Variants in RBKS observed in about 807,000 individuals in gnomAD.
RBKS encodes the protein ribokinase.
Under a neutral mutation model 33.9 loss-of-function variants are expected in RBKS, and 33 were observed. The ratio of observed to expected loss-of-function variants is 0.97; its 90% CI spans 0.74 to 1.30. The LOEUF is 1.30. Ranked by LOEUF, RBKS falls within the 50% of genes most tolerant of loss-of-function variation. The pLI is 0.00. For synonymous variants in RBKS, 125 were observed against 143.0 expected (o/e 0.87, Z 0.90); for missense variants, 361 against 392.6 (o/e 0.92, Z 0.68).
At chr2:27,815,295 T>G (rs1678065923) in intron 7 of RBKS, among the ~76,000 whole-genome samples, 1 of 152,010 alleles carries the variant, frequency 6.6e-6, no homozygotes, top group African/African-American at 2.4e-5. Flanking sequence ...GCAGCCTTGG[T>G]CTCCCAGGCT....
chr2:27,890,132 G>C lies in RBKS; in HGVS notation c.89+125C>G. On this transcript the variant is annotated intron_variant, in intron 1 of 7. Coordinates refer to ENST00000302188, the MANE Select transcript of RBKS (RefSeq NM_022128.3). The surrounding 1 kb of genome is among the most constrained non-coding windows in gnomAD (Gnocchi z 4.8). ...AGGCTGAAGGCTTCGAAAACCTGCA[G>C]CTCATACCCAAAGCTAGCACTGTCT... 1 of 790,302 alleles carries C rather than the reference G, an allele frequency of 1.3e-6. No individual in the cohort carries two copies. The highest frequency in any genetic ancestry group is 1.7e-5 in the South Asian group (1 of 58,770). 49.0% of individuals were successfully genotyped at this position (790,302 alleles called of 1,614,324 possible). A position where few individuals can be genotyped will look rare whatever the true frequency, so the allele number is the denominator to read the frequency against.
chr2:27,844,921 T>C (rs1307361700), intron 4 of RBKS, among the ~76,000 whole-genome samples: 3 of 152,164 alleles, frequency 2.0e-5, no homozygotes, highest in Non-Finnish European at 4.4e-5. Context: ...CTCGTGCTGA[T>C]CTTGTACAGA....
chr2:27,850,412 A>G (rs1368534467), intron 2 of RBKS, among the ~76,000 whole-genome samples: 2 of 152,224 alleles, frequency 1.3e-5, no homozygotes, highest in South Asian at 2.1e-4. Context: ...AAAATGTCAT[A>G]TACCCACCAT....
chr2:27,824,137 T>C (rs1222235425), intron 7 of RBKS, among the ~76,000 whole-genome samples: 2 of 152,216 alleles, frequency 1.3e-5, no homozygotes, highest in Non-Finnish European at 2.9e-5. Context: ...TCATAATATA[T>C]GACCTCTTAT....
intron 7 of RBKS, 63 bp downstream of exon 7, chr2:27,827,504 C>T (rs1678334530): frequency 4.3e-6 from 6 of 1,406,376 alleles, no homozygotes; most frequent in Non-Finnish European, 5.7e-6. Context: ...GGTACAGCAT[C>T]TAATTAGTTA....
chr2:27,867,986 A>G (rs1460460727), intron 1 of RBKS, among the ~76,000 whole-genome samples: 1 of 152,236 alleles, frequency 6.6e-6, no homozygotes, highest in Non-Finnish European at 1.5e-5. Context: ...CATTTGTAAA[A>G]TAATAAAAAT....
chr2:27,875,156 A>C (rs1227767681), intron 1 of RBKS, among the ~76,000 whole-genome samples: 1 of 152,228 alleles, frequency 6.6e-6, no homozygotes, highest in African/African-American at 2.4e-5. Context: ...TTCGTTAAAA[A>C]TCCAGGAAAT....
chr2:27,803,370 TCTA>T (rs1186810377), intron 7 of RBKS, among the ~76,000 whole-genome samples: 3 of 152,182 alleles, frequency 2.0e-5, no homozygotes, highest in Non-Finnish European at 4.4e-5. Flanking sequence ...GACTTTGCCT[TCTA>T]CTACCAGCCA....
intron 7 of RBKS, among the ~76,000 whole-genome samples, chr2:27,805,870 C>T (rs191210153): frequency 7.3e-5 from 11 of 150,414 alleles, no homozygotes; most frequent in African/African-American, 2.2e-4. Flanking sequence ...CCACCTTGCC[C>T]GGCCAAAAAA....
At chr2:27,847,642 T>G (rs1663646541) in intron 3 of RBKS, among the ~76,000 whole-genome samples, 1 of 152,258 alleles carries the variant, frequency 6.6e-6, no homozygotes. Context: ...CAACCAACTG[T>G]GTGCTCTTGC....
At chr2:27,857,292 A>G (rs1388259598) in intron 2 of RBKS, among the ~76,000 whole-genome samples, 1 of 152,210 alleles carries the variant, frequency 6.6e-6, no homozygotes, top group African/African-American at 2.4e-5. Context: ...TTCCCTAAAA[A>G]TCAAAGAAAC....
intron 1 of RBKS, among the ~76,000 whole-genome samples, chr2:27,866,315 T>C (rs996384345): frequency 1.3e-5 from 2 of 152,220 alleles, no homozygotes; most frequent in African/African-American, 4.8e-5. Flanking sequence ...GTGTACCTTT[T>C]TTTTCTTAAC....
chr2:27,877,913 C>G (rs1664344046), intron 1 of RBKS, among the ~76,000 whole-genome samples: 1 of 152,106 alleles, frequency 6.6e-6, no homozygotes, highest in Non-Finnish European at 1.5e-5. Flanking sequence ...GCCTTTGATG[C>G]CTTTAAAACA....
chr2:27,853,108 G>T (rs969642195), intron 2 of RBKS, among the ~76,000 whole-genome samples: 1 of 152,066 alleles, frequency 6.6e-6, no homozygotes, highest in African/African-American at 2.4e-5. Context: ...GGCTTATGCC[G>T]TAATCCTAGC....
At chr2:27,797,909 G>T (rs1677692587) in intron 7 of RBKS, among the ~76,000 whole-genome samples, 1 of 152,150 alleles carries the variant, frequency 6.6e-6, no homozygotes, top group African/African-American at 2.4e-5. Context: ...AAAGCCAGGG[G>T]CTGCTCAGAG....
chr2:27,849,746 T>C (rs956981408), intron 2 of RBKS, among the ~76,000 whole-genome samples: 1 of 152,106 alleles, frequency 6.6e-6, no homozygotes, highest in African/African-American at 2.4e-5. Flanking sequence ...GGATCTCCCC[T>C]GTTTTTGTCA....
chr2:27,859,441 T>C (rs983736274), intron 1 of RBKS, among the ~76,000 whole-genome samples: 1 of 152,202 alleles, frequency 6.6e-6, no homozygotes, highest in Non-Finnish European at 1.5e-5. Context: ...ATGATGATAG[T>C]ATTAAGTGAG....
intron 2 of RBKS, among the ~76,000 whole-genome samples, chr2:27,853,245 A>G (rs2148216674): frequency 6.7e-6 from 1 of 150,166 alleles, no homozygotes; most frequent in Non-Finnish European, 1.5e-5. Context: ...GCATGCCTGT[A>G]GTCTCAGCTA....
intron 7 of RBKS, among the ~76,000 whole-genome samples, chr2:27,791,655 A>C (rs1244941433): frequency 9.4e-4 from 132 of 139,994 alleles, no homozygotes; most frequent in African/African-American, 2.9e-3. Context: ...AAATATACAT[A>C]TACATATACA....
Sources: gnomAD v4.1 joint callset for allele counts (sites outside exome capture counted in the v4.1 genomes callset) on GRCh38, gnomAD v4.1.1 for gene constraint, Gnocchi (gnomAD v3.1) non-coding constraint, MANE v1.5 for transcripts, NCBI Gene and HGNC (gene_info 2026-07-23, HGNC 2026-07-21) for gene names.